Variants in SYT1 observed in about 807,000 individuals in gnomAD.
The protein encoded by SYT1 is synaptotagmin 1.
In SYT1, 8 loss-of-function variants were observed where a neutral mutation model predicts 44.8. That is an observed-to-expected ratio of 0.18 (90% confidence interval 0.10 to 0.32). The LOEUF is 0.32. Among genes scored for constraint, SYT1 ranks in the 10% least tolerant of loss-of-function variants. The pLI, the probability that SYT1 is intolerant of heterozygous loss-of-function variation, is 1.00. For synonymous variants in SYT1, 154 were observed against 188.8 expected (o/e 0.82, Z 1.51); for missense variants, 286 against 509.3 (o/e 0.56, Z 4.22).
chr12:79,136,668 A>G (rs1456570685), intron 3 of SYT1, among the ~76,000 whole-genome samples: 1 of 152,188 alleles, frequency 6.6e-6, no homozygotes, highest in Non-Finnish European at 1.5e-5. Flanking sequence ...TACCTAAAGC[A>G]CTTTTTGCTT....
rs898604305 is a variant in SYT1 at position 79,087,463 on chromosome 12, G to A, written c.-18+40101G>A. On this transcript the variant is annotated intron_variant, in intron 3 of 10. Coordinates refer to ENST00000261205, the MANE Select transcript of SYT1 (RefSeq NM_005639.3). ...GTTGTTAGTCACAATTTGTGTTGCT[G>A]TCTCATCTATTCATCTAACAAGCAT... is the stretch of plus-strand genomic sequence containing the variant. 3.9e-5 allele frequency among the ~76,000 whole-genome samples: 6 copies of A among 152,216 alleles called. No individual in the cohort carries two copies. In the East Asian group the frequency reaches 5.8e-4, roughly 15 times the overall value.
At chr12:79,180,804 T>A (rs972767353) in intron 3 of SYT1, among the ~76,000 whole-genome samples, 1 of 151,966 alleles carries the variant, frequency 6.6e-6, no homozygotes, top group Non-Finnish European at 1.5e-5. Flanking sequence ...CCTCCAACGT[T>A]GGGTGATATG....
At chr12:78,942,081 C>T (rs895855297) in intron 1 of SYT1, among the ~76,000 whole-genome samples, 4 of 152,226 alleles carry the variant, frequency 2.6e-5, no homozygotes, top group African/African-American at 9.6e-5. Context: ...CCAACCTCCT[C>T]TACTGACATT....
chr12:78,899,514 C>T (rs1875542870), intron 1 of SYT1, among the ~76,000 whole-genome samples: 3 of 151,998 alleles, frequency 2.0e-5, no homozygotes, highest in East Asian at 1.9e-4. Context: ...AAAAAAGATG[C>T]ATGTCTATAT....
intron 9 of SYT1, among the ~76,000 whole-genome samples, chr12:79,419,867 G>A (rs1868995116): frequency 6.6e-6 from 1 of 151,738 alleles, no homozygotes; most frequent in African/African-American, 2.4e-5. Flanking sequence ...CACAGTTTTG[G>A]TTTTGTATGT....
At chr12:79,123,804 A>C (rs1368070085) in intron 3 of SYT1, among the ~76,000 whole-genome samples, 1 of 152,196 alleles carries the variant, frequency 6.6e-6, no homozygotes, top group Non-Finnish European at 1.5e-5. Flanking sequence ...TTTAAAAATT[A>C]ACAAATATTA....
At chr12:79,159,758 C>A (rs1592804097) in intron 3 of SYT1, among the ~76,000 whole-genome samples, 1 of 152,032 alleles carries the variant, frequency 6.6e-6, no homozygotes, top group Admixed American at 6.6e-5. Context: ...ATCTAAGGCA[C>A]CATCGACTGT....
intron 8 of SYT1, among the ~76,000 whole-genome samples, chr12:79,311,236 A>T (rs1251146071): frequency 6.6e-6 from 1 of 152,356 alleles, no homozygotes; most frequent in East Asian, 1.9e-4. Flanking sequence ...TCAAAAGAAG[A>T]CATTTATGCA....
chr12:79,397,421 G>A (rs1323340552), intron 9 of SYT1, among the ~76,000 whole-genome samples: 1 of 152,056 alleles, frequency 6.6e-6, no homozygotes, highest in Non-Finnish European at 1.5e-5. Flanking sequence ...AGAGAGGGGA[G>A]TCTCCCTATG....
chr12:79,238,350 T>A (rs1465663090), intron 4 of SYT1, among the ~76,000 whole-genome samples: 1 of 152,200 alleles, frequency 6.6e-6, no homozygotes, highest in East Asian at 1.9e-4. Flanking sequence ...CATATAAGCA[T>A]CCAGGCATGG....
At chr12:78,979,055 G>T (rs1869055100) in intron 2 of SYT1, among the ~76,000 whole-genome samples, 1 of 151,964 alleles carries the variant, frequency 6.6e-6, no homozygotes, top group Admixed American at 6.6e-5. Context: ...AGTTGTTATT[G>T]TTGAAACACT....
At chr12:78,950,460 T>C (rs1408576835) in intron 1 of SYT1, among the ~76,000 whole-genome samples, 1 of 152,088 alleles carries the variant, frequency 6.6e-6, no homozygotes, top group Admixed American at 6.6e-5. Context: ...GGGACCAGTT[T>C]CTGTGGAATA....
At chr12:79,003,380 C>A (rs993589101) in intron 2 of SYT1, among the ~76,000 whole-genome samples, 1 of 151,994 alleles carries the variant, frequency 6.6e-6, no homozygotes. Context: ...TTCCTACCTT[C>A]ATGTATCCTT....
At chr12:79,253,695 C>G (rs1877360266) in intron 4 of SYT1, among the ~76,000 whole-genome samples, 1 of 152,226 alleles carries the variant, frequency 6.6e-6, no homozygotes, top group South Asian at 2.1e-4. Flanking sequence ...TGTTGAAACC[C>G]AAGACAGGCT....
chr12:79,425,661 T>C (rs1043491965), intron 9 of SYT1, among the ~76,000 whole-genome samples: 3 of 152,168 alleles, frequency 2.0e-5, no homozygotes, highest in Non-Finnish European at 4.4e-5. Context: ...ACTCCTTCTC[T>C]TTCAATATTT....
intron 2 of SYT1, among the ~76,000 whole-genome samples, chr12:79,044,678 C>T (rs1342099250): frequency 1.8e-4 from 27 of 149,526 alleles, no homozygotes; most frequent in African/African-American, 1.5e-4. Context: ...TGAGGAACTG[C>T]GTTCCTTTGG....
chr12:79,322,661 T>G (rs2138983726), intron 8 of SYT1, among the ~76,000 whole-genome samples: 1 of 152,272 alleles, frequency 6.6e-6, no homozygotes, highest in East Asian at 1.9e-4. Flanking sequence ...ATTTCCTCAA[T>G]TATGTGGCGT....
At chr12:78,944,631 G>A (rs2137266405) in intron 1 of SYT1, among the ~76,000 whole-genome samples, 1 of 152,178 alleles carries the variant, frequency 6.6e-6, no homozygotes, top group Middle Eastern at 3.4e-3. Context: ...ATCACAACAT[G>A]AAAGAATGAA....
intron 9 of SYT1, among the ~76,000 whole-genome samples, chr12:79,366,306 G>A (rs995310401): frequency 4.9e-4 from 74 of 152,320 alleles, no homozygotes; most frequent in African/African-American, 1.4e-3. Flanking sequence ...TAGCTTAGTA[G>A]AAGAGATTTT....
Sources: gnomAD v4.1 joint callset for allele counts (sites outside exome capture counted in the v4.1 genomes callset) on GRCh38, gnomAD v4.1.1 for gene constraint, MANE v1.5 for transcripts, NCBI Gene and HGNC (gene_info 2026-07-23, HGNC 2026-07-21) for gene names.